The following CBLN4 variants were observed in gnomAD, a reference collection of about 807,000 sequenced individuals.
CBLN4 encodes cerebellin-4.
CBLN4 carries 7 observed loss-of-function variants against 14.9 expected under a neutral mutation model. The ratio of observed to expected loss-of-function variants is 0.47; its 90% CI spans 0.27 to 0.88. The LOEUF (loss-of-function observed/expected upper bound fraction) is 0.88, where lower values mean the gene tolerates loss of function less well. CBLN4 is among the 40% of genes least tolerant of loss of function. The pLI is 0.14. For missense variants in CBLN4, 188 were observed against 256.8 expected, an observed-to-expected ratio of 0.73 and a Z score of 1.83; for synonymous variants, 131 against 116.5, an observed-to-expected ratio of 1.12 and a Z score of -0.80.
chr20:55,998,291 G>A lies in CBLN4; in HGVS notation c.*266C>T. The A allele has an allele frequency of 2.5e-6, 1 of 404,806 alleles. No individual in the cohort carries two copies. Among genetic ancestry groups the A allele is most frequent in the East Asian group, 4.1e-5 (1 of 24,402 alleles). The allele number at this position is 404,806 out of a possible 1,614,324, so 25.1% of individuals were successfully genotyped here. ...CAGTAATCCCAGGAAATGAAATTCA[G>A]AATAAGTCTTGCAGACAGCTTTTGA... On this transcript the variant is annotated 3_prime_UTR_variant, in exon 3 of 3. Transcript: ENST00000064571.
Position 55,998,560 on chromosome 20 carries a change from T to C in CBLN4, c.603A>G (p.Leu201=), listed in dbSNP as rs754034078. 17 of 1,614,054 alleles carry C rather than the reference T, an allele frequency of 1.1e-5. No homozygotes were observed. The Admixed American group carries it at 2.2e-4, about 21-fold the overall frequency. Residue 201 remains leucine (L), a synonymous_variant, in exon 3 of 3, where the codon CTA becomes CTG. Coordinates refer to ENST00000064571, the MANE Select transcript of CBLN4 (RefSeq NM_080617.6). ...STFSGFLVFP[L] is the part of the protein sequence containing the mutation. The stretch of plus-strand genomic sequence containing the variant: ...AACATCATGGAGAAATTGAATCCTA[T>C]AGGGGGAACACCAGAAAGCCAGAAA...
At chr20:56,000,695 G>A in intron 2 of CBLN4, 36 bp downstream of exon 2, 1 of 1,085,626 alleles carries the variant, frequency 9.2e-7, no homozygotes, top group South Asian at 1.7e-5. Flanking sequence ...AGCACAGTTG[G>A]TTGAGAGTAT....
chr20:56,000,990 T>C (rs1568832280), intron 1 of CBLN4, 143 bp from the exon 2 acceptor site: 2 of 441,964 alleles, frequency 4.5e-6, no homozygotes, highest in Non-Finnish European at 7.8e-6. Flanking sequence ...CTTTCTTTTC[T>C]TTTTTCTTTT....
chr20:56,001,178 C>T (rs1174923322), intron 1 of CBLN4, among the ~76,000 whole-genome samples: 1 of 152,190 alleles, frequency 6.6e-6, no homozygotes, highest in African/African-American at 2.4e-5. Flanking sequence ...TCTCAATTTC[C>T]AGCAAGGCCC....
At chr20:56,003,656 G>T (rs1986412452) in intron 1 of CBLN4, among the ~76,000 whole-genome samples, 1 of 152,184 alleles carries the variant, frequency 6.6e-6, no homozygotes, top group Non-Finnish European at 1.5e-5. Context: ...CCCCGCCGCC[G>T]CAGCAGCCTC....
At position 55,998,261 on chromosome 20, in the gene CBLN4, T is replaced by G. The variant is rs1053506270; in HGVS notation, c.*296A>C. 1 of 383,812 alleles carries G rather than the reference T, an allele frequency of 2.6e-6. No homozygotes were observed. Among genetic ancestry groups the G allele is most frequent in the Non-Finnish European group, 4.7e-6 (1 of 212,834 alleles). The allele number at this position is 383,812 out of a possible 1,614,324, so 23.8% of individuals were successfully genotyped here. A position where few individuals can be genotyped will look rare whatever the true frequency, so the allele number is the denominator to read the frequency against. ...ACAAATAAAATTCCACATCTGTAAC[T>G]AATTCAGTAATCCCAGGAAATGAAA... is the stretch of plus-strand genomic sequence containing the variant. On this transcript the variant is annotated 3_prime_UTR_variant, in exon 3 of 3. Coordinates refer to ENST00000064571, the MANE Select transcript of CBLN4 (RefSeq NM_080617.6).
intron 1 of CBLN4, among the ~76,000 whole-genome samples, chr20:56,003,306 G>A (rs1007499281): frequency 6.6e-5 from 10 of 152,230 alleles, no homozygotes; most frequent in Non-Finnish European, 1.2e-4. Flanking sequence ...AGCGGTGCCT[G>A]GCACACGAAC....
chr20:56,000,817 A>G lies in CBLN4; in HGVS notation c.322T>C (p.Leu108=). The G allele has an allele frequency of 3.8e-6, 6 of 1,587,668 alleles. No individual in the cohort carries two copies. Among genetic ancestry groups the G allele is most frequent in the South Asian group, 2.3e-5 (2 of 85,330 alleles). ...ILVNVGNFFT[L]ESVFVAPRKG... Reference sequence around the variant, plus strand: ...CTTGGTGCTACAAAGACAGACTCCAATGTGAAAAAATTACCCACATTCACC... The same window carrying G: ...CTTGGTGCTACAAAGACAGACTCCAGTGTGAAAAAATTACCCACATTCACC... The change falls in exon 2 of 3, where the codon TTG becomes CTG. Residue 108 remains leucine (L), a synonymous_variant. Coordinates refer to ENST00000064571, the MANE Select transcript of CBLN4 (RefSeq NM_080617.6).
Position 56,005,475 on chromosome 20 carries a change from A to C in CBLN4, c.-1304T>G, listed in dbSNP as rs1420754444. ...GCGCCTGGCCGGGAGCCCGCCCCACACAGCCCTGGGGCCTGGCGAGCTCAG... is the reference window on the plus strand; with the variant it reads ...GCGCCTGGCCGGGAGCCCGCCCCACCCAGCCCTGGGGCCTGGCGAGCTCAG... On this transcript the variant is annotated 5_prime_UTR_variant, in exon 1 of 3. Transcript: ENST00000064571. 1 of 152,178 alleles carries C rather than the reference A, an allele frequency of 6.6e-6. No individual in the cohort carries two copies. The highest frequency in any genetic ancestry group is 1.5e-5 in the Non-Finnish European group (1 of 68,078). 9.4% of individuals were successfully genotyped at this position (152,178 alleles called of 1,614,324 possible). A position where few individuals can be genotyped will look rare whatever the true frequency, so the allele number is the denominator to read the frequency against.
chr20:56,003,562 C>A (rs1038950139), intron 1 of CBLN4, among the ~76,000 whole-genome samples: 4 of 152,198 alleles, frequency 2.6e-5, no homozygotes, highest in African/African-American at 9.6e-5. Context: ...GTCCAGGGAC[C>A]AGGTGCCCTT....
intron 2 of CBLN4, among the ~76,000 whole-genome samples, chr20:55,999,130 G>A (rs752319253): frequency 1.3e-5 from 2 of 152,056 alleles, no homozygotes; most frequent in Non-Finnish European, 2.9e-5. Flanking sequence ...CGGTACATTC[G>A]TAAAAGAGAC....
intron 1 of CBLN4, among the ~76,000 whole-genome samples, chr20:56,001,615 A>G (rs1050377461): frequency 1.3e-5 from 2 of 152,086 alleles, no homozygotes; most frequent in African/African-American, 4.8e-5. Context: ...CTAAACTATG[A>G]AATAGGTGGC....
At chr20:56,003,616 G>T (rs1986411260) in intron 1 of CBLN4, among the ~76,000 whole-genome samples, 1 of 152,144 alleles carries the variant, frequency 6.6e-6, no homozygotes, top group Non-Finnish European at 1.5e-5. Context: ...CTGAGCTCTC[G>T]CTGCCGGGCT....
chr20:56,000,271 C>T (rs569082340), intron 2 of CBLN4, among the ~76,000 whole-genome samples: 4 of 152,302 alleles, frequency 2.6e-5, no homozygotes, highest in African/African-American at 9.6e-5. Flanking sequence ...TGAATAGTTC[C>T]TCCTTCATAG....
In CBLN4 at chr20:56,004,401, A is replaced by G. The variant is rs929992631; in HGVS notation, c.-230T>C. The G allele has an allele frequency of 4.2e-6, 2 of 480,858 alleles. No homozygotes were observed. The highest frequency in any genetic ancestry group is 4.1e-5 in the African/African-American group (2 of 48,722). 29.8% of individuals were successfully genotyped at this position (480,858 alleles called of 1,614,324 possible). A position where few individuals can be genotyped will look rare whatever the true frequency, so the allele number is the denominator to read the frequency against. ...CCTTTGTCCTTTAAGGAGCTCATGC[A>G]GCACCCTTTACCCTACTCTCCTCCG... is the stretch of plus-strand genomic sequence containing the variant. On this transcript the variant is annotated 5_prime_UTR_variant, in exon 1 of 3. Transcript: ENST00000064571. The surrounding 1 kb of genome is among the most constrained non-coding windows in gnomAD (Gnocchi z 6.1).
intron 1 of CBLN4, among the ~76,000 whole-genome samples, chr20:56,001,378 C>T (rs1287504800): frequency 6.6e-6 from 1 of 152,240 alleles, no homozygotes; most frequent in East Asian, 1.9e-4. Context: ...CCTGGACAAA[C>T]CACAGAGGCA....
At chr20:56,001,111 G>C (rs901927984) in intron 1 of CBLN4, among the ~76,000 whole-genome samples, 1 of 152,102 alleles carries the variant, frequency 6.6e-6, no homozygotes, top group Non-Finnish European at 1.5e-5. Flanking sequence ...ATACTGGAAG[G>C]TTCTTCTGTC....
rs535577183 is a variant in CBLN4, at chr20:56,004,655, T to C, written c.-484A>G. On this transcript the variant is annotated 5_prime_UTR_variant, in exon 1 of 3. Transcript: ENST00000064571. The surrounding 1 kb of genome is among the most constrained non-coding windows in gnomAD (Gnocchi z 6.1). ...CCCAGCGGCGCGGGTGCCAGTCCTG[T>C]CTGGCTTGCGGCAGGGACGAGTTAC... The C allele has an allele frequency of 4.2e-4, 65 of 154,852 alleles. No individual in the cohort carries two copies. Among genetic ancestry groups the C allele is most frequent in the Admixed American group, 1.4e-3 (22 of 15,346 alleles). The allele number at this position is 154,852 out of a possible 1,614,324, so 9.6% of individuals were successfully genotyped here.
At chr20:56,001,390 G>A (rs1361623142) in intron 1 of CBLN4, among the ~76,000 whole-genome samples, 1 of 152,166 alleles carries the variant, frequency 6.6e-6, no homozygotes, top group Non-Finnish European at 1.5e-5. Context: ...ACAGAGGCAT[G>A]GGTACCCCCT....
Sources: allele counts gnomAD v4.1 joint callset (sites outside exome capture counted in the v4.1 genomes callset), GRCh38; gene constraint gnomAD v4.1.1; non-coding constraint Gnocchi (gnomAD v3.1); transcripts MANE v1.5; gene names NCBI Gene and HGNC (gene_info 2026-07-23, HGNC 2026-07-21).